The following GRM7 variants were observed in gnomAD, a reference collection of about 807,000 sequenced individuals.
GRM7 encodes metabotropic glutamate receptor 7.
Under a neutral mutation model 84.5 loss-of-function variants are expected in GRM7, and 35 were observed. That is an observed-to-expected ratio of 0.41 (90% CI 0.32 to 0.55). GRM7 has a LOEUF of 0.55. Ranked by LOEUF, GRM7 falls within the 20% of genes least tolerant of loss-of-function variation. The pLI, the probability that GRM7 is intolerant of heterozygous loss-of-function variation, is 0.19. For missense variants in GRM7, 1,003 were observed against 1,194.6 expected (o/e 0.84, Z 2.36); for synonymous variants, 487 against 455.1 (o/e 1.07, Z -0.89).
intron 1 of GRM7, among the ~76,000 whole-genome samples, chr3:6,870,304 G>C (rs1017327799): frequency 1.3e-5 from 2 of 152,144 alleles, no homozygotes; most frequent in Admixed American, 6.6e-5. Context: ...CTTGAAGCAA[G>C]GGAGTTGGCA....
chr3:7,491,644 G>C (rs981060794), intron 7 of GRM7, among the ~76,000 whole-genome samples: 1 of 152,172 alleles, frequency 6.6e-6, no homozygotes, highest in Non-Finnish European at 1.5e-5. Context: ...CAGATGATAT[G>C]TTAGCTTGTG....
intron 1 of GRM7, among the ~76,000 whole-genome samples, chr3:7,026,599 T>C (rs1695990544): frequency 6.6e-6 from 1 of 152,196 alleles, no homozygotes; most frequent in African/African-American, 2.4e-5. Context: ...AACATCTTCC[T>C]GGCACACAAG....
chr3:7,224,217 A>G (rs1696904002), intron 2 of GRM7, among the ~76,000 whole-genome samples: 1 of 152,240 alleles, frequency 6.6e-6, no homozygotes, highest in African/African-American at 2.4e-5. Context: ...GAGGAAACGT[A>G]CAATCATGGC....
chr3:7,493,635 G>A (rs2124953952), intron 7 of GRM7, among the ~76,000 whole-genome samples: 1 of 151,926 alleles, frequency 6.6e-6, no homozygotes, highest in East Asian at 1.9e-4. Context: ...ATTTTACTAA[G>A]CTCTGTTTTT....
At chr3:7,523,087 C>G (rs1239555) in intron 7 of GRM7, among the ~76,000 whole-genome samples, 1 of 151,740 alleles carries the variant, frequency 6.6e-6, no homozygotes, top group Non-Finnish European at 1.5e-5. Flanking sequence ...GTTGTTCAAG[C>G]AATTTCTATT....
At chr3:6,911,791 T>C (rs907924280) in intron 1 of GRM7, among the ~76,000 whole-genome samples, 12 of 152,178 alleles carry the variant, frequency 7.9e-5, no homozygotes, top group Non-Finnish European at 1.5e-4. Context: ...AAGCGAAGAG[T>C]AAATCTTCCA....
intron 7 of GRM7, among the ~76,000 whole-genome samples, chr3:7,491,987 G>C (rs1253038039): frequency 1.3e-5 from 2 of 152,008 alleles, no homozygotes; most frequent in Non-Finnish European, 2.9e-5. Flanking sequence ...TTTCTTCTGT[G>C]GCTTATTGAT....
At chr3:7,524,183 C>T (rs1401387450) in intron 7 of GRM7, among the ~76,000 whole-genome samples, 1 of 151,080 alleles carries the variant, frequency 6.6e-6, no homozygotes, top group Non-Finnish European at 1.5e-5. Context: ...CTAGGCATTA[C>T]CATTCAGGAC....
At chr3:7,026,038 G>A (rs148251007) in intron 1 of GRM7, among the ~76,000 whole-genome samples, 1 of 152,322 alleles carries the variant, frequency 6.6e-6, no homozygotes, top group East Asian at 1.9e-4. Context: ...CTCAATTGCA[G>A]CTTCTTAGAG....
At chr3:7,343,661 T>G (rs1217380794) in intron 4 of GRM7, among the ~76,000 whole-genome samples, 1 of 152,206 alleles carries the variant, frequency 6.6e-6, no homozygotes, top group Admixed American at 6.6e-5. Context: ...CTGAATCTCC[T>G]TCAGCAATGT....
chr3:7,539,169 G>T (rs567383193), intron 7 of GRM7, among the ~76,000 whole-genome samples: 1 of 152,070 alleles, frequency 6.6e-6, no homozygotes, highest in African/African-American at 2.4e-5. Context: ...GATCAGAAGA[G>T]AACTGTGAGA....
intron 9 of GRM7, among the ~76,000 whole-genome samples, chr3:7,735,624 T>C (rs1033832865): frequency 6.6e-6 from 1 of 152,186 alleles, no homozygotes; most frequent in African/African-American, 2.4e-5. Flanking sequence ...CATAAAATTA[T>C]ACAGTCAAGC....
chr3:7,010,269 G>A (rs577818161), intron 1 of GRM7, among the ~76,000 whole-genome samples: 47 of 152,198 alleles, frequency 3.1e-4, no homozygotes, highest in Non-Finnish European at 5.3e-4. Flanking sequence ...TGGGCAACAC[G>A]GTGAAACCCT....
At chr3:7,583,085 G>T (rs1403758961) in intron 8 of GRM7, among the ~76,000 whole-genome samples, 2 of 152,164 alleles carry the variant, frequency 1.3e-5, no homozygotes, top group Non-Finnish European at 2.9e-5. Context: ...AAGGAACCAG[G>T]AGATCAGAAA....
intron 7 of GRM7, among the ~76,000 whole-genome samples, chr3:7,555,449 G>A (rs187380987): frequency 1.3e-5 from 2 of 152,244 alleles, no homozygotes; most frequent in South Asian, 2.1e-4. Flanking sequence ...GGACTCCAAT[G>A]GGGTAGATAC....
chr3:7,194,249 A>G (rs986976767), intron 2 of GRM7, among the ~76,000 whole-genome samples: 5 of 152,108 alleles, frequency 3.3e-5, no homozygotes, highest in African/African-American at 9.7e-5. Context: ...TCTTTTGCTG[A>G]TCCAAGACAA....
chr3:7,130,349 C>G (rs1693550526), intron 1 of GRM7, among the ~76,000 whole-genome samples: 1 of 152,042 alleles, frequency 6.6e-6, no homozygotes, highest in South Asian at 2.1e-4. Context: ...TGAGACCAGT[C>G]TGGCCAACAT....
At chr3:7,595,116 A>C (rs545464598) in intron 8 of GRM7, among the ~76,000 whole-genome samples, 1 of 152,226 alleles carries the variant, frequency 6.6e-6, no homozygotes, top group Non-Finnish European at 1.5e-5. Context: ...GCCTGGCACT[A>C]TCTAGGCCTT....
intron 1 of GRM7, among the ~76,000 whole-genome samples, chr3:6,917,734 T>G (rs1696991874): frequency 6.6e-6 from 1 of 152,090 alleles, no homozygotes; most frequent in Non-Finnish European, 1.5e-5. Flanking sequence ...AGTAATATAT[T>G]ACATTGCAAC....
Sources: gnomAD v4.1 joint callset for allele counts (sites outside exome capture counted in the v4.1 genomes callset) on GRCh38, gnomAD v4.1.1 for gene constraint, MANE v1.5 for transcripts, NCBI Gene and HGNC (gene_info 2026-07-23, HGNC 2026-07-21) for gene names.